ANO3: variants seen among roughly 807,000 people sequenced by gnomAD.
ANO3 encodes anoctamin-3.
A neutral mutation model predicts 144.8 loss-of-function variants in ANO3; 99 were observed. The ratio of observed to expected loss-of-function variants is 0.68; its 90% CI spans 0.58 to 0.81. The LOEUF is 0.81. Among genes scored for constraint, ANO3 ranks in the 30% least tolerant of loss-of-function variants. The pLI is 0.00. For missense variants in ANO3, 905 were observed against 1,202.2 expected, an observed-to-expected ratio of 0.75 and a Z score of 3.66; for synonymous variants, 414 against 392.6, an observed-to-expected ratio of 1.05 and a Z score of -0.64.
At chr11:26,633,122 A>T (rs549165690) in intron 18 of ANO3, among the ~76,000 whole-genome samples, 22 of 152,296 alleles carry the variant, frequency 1.4e-4, no homozygotes, top group Non-Finnish European at 2.6e-4. Context: ...TTTTCCTTAA[A>T]TGAGATCCTA....
intron 14 of ANO3, among the ~76,000 whole-genome samples, chr11:26,564,373 C>G (rs1850430550): frequency 6.6e-6 from 1 of 150,990 alleles, no homozygotes; most frequent in Admixed American, 6.6e-5. Context: ...TTTTACATTA[C>G]TAATATAATC....
intron 1 of ANO3, among the ~76,000 whole-genome samples, chr11:26,283,551 G>A (rs1853733275): frequency 6.6e-6 from 1 of 151,688 alleles, no homozygotes; most frequent in African/African-American, 2.4e-5. Context: ...GACCAGAACT[G>A]AGAACTAATA....
At position 26,647,828 on chromosome 11, in the gene ANO3, T is replaced by C; in HGVS notation, c.2548T>C (p.Cys850Arg). The C allele has an allele frequency of 6.2e-7, 1 of 1,612,924 alleles. No homozygotes were observed. Among genetic ancestry groups the C allele is most frequent in the Non-Finnish European group, 8.5e-7 (1 of 1,179,360 alleles). ...TGTTTATGAATACAAATATGGCCCC[T>C]GTGCAAATCATGTAGAACCAAGTGA... ...RFVYEYKYGP[C>R]ANHVEPSENC... Residue 850 changes from cysteine (C) to arginine (R), a missense_variant, in exon 24 of 27, where the codon TGT (cysteine) becomes CGT (arginine). Cys to Arg is a radical substitution (Grantham distance 180, BLOSUM62 -3). This residue lies in a region of ANO3 where 597 missense variants were observed against 865.1 expected (regional missense o/e 0.69). Transcript: ENST00000256737.
At chr11:26,204,456 T>C (rs1253120543) in intron 1 of ANO3, among the ~76,000 whole-genome samples, 1 of 152,212 alleles carries the variant, frequency 6.6e-6, no homozygotes, top group Non-Finnish European at 1.5e-5. Context: ...AAGGAAAAAG[T>C]AGGCGTGGAT....
At chr11:26,563,265 T>C in intron 14 of ANO3, 1 of 1,586,494 alleles carries the variant, frequency 6.3e-7, no homozygotes, top group Non-Finnish European at 8.5e-7. Context: ...ATTTCTATTT[T>C]CTACAGGACA....
At chr11:26,644,977 CA>C (rs1263535696) in intron 23 of ANO3, among the ~76,000 whole-genome samples, 2 of 151,936 alleles carry the variant, frequency 1.3e-5, no homozygotes, top group African/African-American at 2.4e-5. Context: ...ATATATAATC[CA>C]ATTGACATAT....
chr11:26,376,284 A>C (rs1856403843), intron 1 of ANO3, among the ~76,000 whole-genome samples: 2 of 152,150 alleles, frequency 1.3e-5, no homozygotes, highest in South Asian at 4.1e-4. Context: ...AGTAACAGTC[A>C]CCTTAACAGA....
At chr11:26,294,604 G>T (rs1854043803) in intron 1 of ANO3, among the ~76,000 whole-genome samples, 1 of 152,030 alleles carries the variant, frequency 6.6e-6, no homozygotes, top group Admixed American at 6.6e-5. Flanking sequence ...ACTTCTGCAG[G>T]GTCATGCAAC....
intron 1 of ANO3, among the ~76,000 whole-genome samples, chr11:26,344,785 A>G (rs1855458128): frequency 6.6e-6 from 1 of 152,218 alleles, no homozygotes; most frequent in South Asian, 2.1e-4. Flanking sequence ...GGTGGTAAGC[A>G]CCACAGTGAA....
At chr11:26,561,140 G>T (rs754710758) in intron 14 of ANO3, 2 of 1,612,644 alleles carry the variant, frequency 1.2e-6, no homozygotes, top group Admixed American at 1.7e-5. Flanking sequence ...TTTCTGGCAT[G>T]GCTGAATCAT....
At chr11:26,629,691 G>T (rs900364339) in intron 18 of ANO3, among the ~76,000 whole-genome samples, 44 of 152,062 alleles carry the variant, frequency 2.9e-4, no homozygotes, top group Non-Finnish European at 1.5e-5. Context: ...GAAGGCAATG[G>T]TGCAATCTCG....
At chr11:26,435,428 C>T (rs1858258928) in intron 1 of ANO3, among the ~76,000 whole-genome samples, 1 of 152,050 alleles carries the variant, frequency 6.6e-6, no homozygotes, top group Admixed American at 6.6e-5. Flanking sequence ...TTCAGGTGTT[C>T]TCAGTATTTC....
chr11:26,438,533 G>C (rs1858376542), intron 1 of ANO3, among the ~76,000 whole-genome samples: 1 of 145,156 alleles, frequency 6.9e-6, no homozygotes, highest in Admixed American at 7.1e-5. Context: ...GATCACCTGA[G>C]GTCAGGAGTT....
intron 14 of ANO3, among the ~76,000 whole-genome samples, chr11:26,586,674 T>G (rs989848012): frequency 2.1e-5 from 3 of 139,652 alleles, no homozygotes; most frequent in African/African-American, 8.0e-5. Context: ...GGCTAACTTT[T>G]TTGTATTTTT....
chr11:26,476,903 A>ATGTGTGTGTG (rs61676196), intron 4 of ANO3, among the ~76,000 whole-genome samples: 2 of 141,426 alleles, frequency 1.4e-5, no homozygotes, highest in African/African-American at 5.2e-5. Flanking sequence ...GTGTGTGTGT[A>ATGTGTGTGTG]TGTGTGTGTG....
intron 1 of ANO3, among the ~76,000 whole-genome samples, chr11:26,195,755 A>G (rs1851574500): frequency 6.6e-6 from 1 of 152,214 alleles, no homozygotes; most frequent in Admixed American, 6.5e-5. Context: ...GGTCATCATT[A>G]CATAATATAT....
At chr11:26,328,578 C>G (rs763994442), upstream of ANO3, among the ~76,000 whole-genome samples, 1 of 152,106 alleles carries the variant, frequency 6.6e-6, no homozygotes, top group Non-Finnish European at 1.5e-5. Context: ...TAAAAAGTCT[C>G]CCAGTGATGT....
At chr11:26,313,510 C>T (rs1320153227) in intron 1 of ANO3, among the ~76,000 whole-genome samples, 2 of 151,890 alleles carry the variant, frequency 1.3e-5, no homozygotes, top group Non-Finnish European at 2.9e-5. Flanking sequence ...CATGGTGAAA[C>T]CCTGTCTCTA....
chr11:26,417,841 A>G (rs1389719858), intron 1 of ANO3, among the ~76,000 whole-genome samples: 1 of 152,072 alleles, frequency 6.6e-6, no homozygotes, highest in Non-Finnish European at 1.5e-5. Flanking sequence ...AACTATTAGT[A>G]AAACAAAAAT....
Sources: gnomAD v4.1 joint callset for allele counts (sites outside exome capture counted in the v4.1 genomes callset) on GRCh38, gnomAD v4.1.1 for gene constraint, gnomAD v4.1.1 regional missense constraint, MANE v1.5 for transcripts, NCBI Gene and HGNC (gene_info 2026-07-23, HGNC 2026-07-21) for gene names.